The following NUP98 variants were observed in gnomAD, a reference collection of about 807,000 sequenced individuals.
The protein encoded by NUP98 is nuclear pore complex protein Nup98-Nup96.
In NUP98, 26 loss-of-function variants were observed where a neutral mutation model predicts 191.9. That is an observed-to-expected ratio of 0.14 (90% CI 0.10 to 0.19). The LOEUF (loss-of-function observed/expected upper bound fraction) is 0.19, where lower values mean the gene tolerates loss of function less well. NUP98 is among the 10% of genes least tolerant of loss of function. NUP98 has a pLI of 1.00. For missense variants in NUP98, 1,941 were observed against 2,178.8 expected (o/e 0.89, Z 2.17); for synonymous variants, 808 against 778.4 (o/e 1.04, Z -0.63).
intron 20 of NUP98, among the ~76,000 whole-genome samples, chr11:3,709,467 G>C (rs1272658114): frequency 2.0e-5 from 3 of 151,992 alleles, no homozygotes; most frequent in African/African-American, 7.3e-5. Flanking sequence ...CACATTGGGA[G>C]GCCAAGGCAG....
rs2078304718 is a variant in NUP98, at chr11:3,691,369, G to C, written c.4432C>G (p.Leu1478Val). ...TACCTGTCACTGTAGAGTTTTAGAA[G>C]GTGAAAGCAGACATCTCGAAGTGGT... ...QTPLRDVCFH[L>V]LKLYSDRHYD... is the part of the protein sequence containing the mutation. Residue 1478 changes from leucine (L) to valine (V), a missense_variant, in exon 28 of 33, where the codon CTT (leucine) becomes GTT (valine). Transcript: ENST00000324932. 6.2e-7 allele frequency: 1 copy of C among 1,614,014 alleles called. No individual in the cohort carries two copies. Among genetic ancestry groups the C allele is most frequent in the African/African-American group, 1.3e-5 (1 of 74,914 alleles).
Position 3,705,483 on chromosome 11 carries a change from T to C in NUP98, c.2926-127A>G, listed in dbSNP as rs558292272. 55 of 825,732 alleles carry C rather than the reference T, an allele frequency of 6.7e-5. No homozygotes were observed. The East Asian group carries it at 8.4e-4, about 13-fold the overall frequency. The allele number at this position is 825,732 out of a possible 1,614,324, so 51.2% of individuals were successfully genotyped here. A position where few individuals can be genotyped will look rare whatever the true frequency, so the allele number is the denominator to read the frequency against. Reference sequence around the variant, plus strand: ...AAGGCTGTGTACAGAGCTAGTATATTTGTGTGATGGATGGACCCCATTACA... The same window carrying C: ...AAGGCTGTGTACAGAGCTAGTATATCTGTGTGATGGATGGACCCCATTACA... On this transcript the variant is annotated intron_variant, in intron 21 of 32. Transcript: ENST00000324932.
At chr11:3,692,573 C>T (rs1389099377) in intron 27 of NUP98, among the ~76,000 whole-genome samples, 2 of 151,408 alleles carry the variant, frequency 1.3e-5, no homozygotes, top group Non-Finnish European at 2.9e-5. Flanking sequence ...CCAGCCTGGG[C>T]TACACAGCGA....
At chr11:3,714,910 GTGACTTTTACCTAC>G (rs1006854737) in intron 18 of NUP98, 1 of 152,148 alleles carries the variant, frequency 6.6e-6, no homozygotes, top group African/African-American at 2.4e-5. Context: ...GAACATTTGG[GTGACTTTTACCTAC>G]TGGCTGTTGT....
At position 3,693,306 on chromosome 11, in the gene NUP98, T is replaced by C. The variant is rs750386513; in HGVS notation, c.4237A>G (p.Ile1413Val). ...SQLDWKRSLA[I>V]HLWYLLPPTA... Reference sequence around the variant, plus strand: ...GGTGGAAGCAAATACCAAAGATGGATAGCCAGGGAGCGTTTCCAATCCAAC... The same window carrying C: ...GGTGGAAGCAAATACCAAAGATGGACAGCCAGGGAGCGTTTCCAATCCAAC... Residue 1413 changes from isoleucine to valine, a missense_variant, in exon 27 of 33, where the codon ATC becomes GTC. Coordinates refer to ENST00000324932, the MANE Select transcript of NUP98 (RefSeq NM_016320.5). 2.5e-6 allele frequency: 4 copies of C among 1,614,182 alleles called. No individual in the cohort carries two copies. Among genetic ancestry groups the C allele is most frequent in the South Asian group, 2.2e-5 (2 of 91,084 alleles).
In NUP98 at chr11:3,712,547, T is replaced by C; in HGVS notation, c.2742+17A>G. On this transcript the variant is annotated intron_variant, in intron 20 of 32. Transcript: ENST00000324932. The stretch of plus-strand genomic sequence containing the variant: ...TATCACGGATTCCATTCAAATTCAC[T>C]GTCCTTTTTTCTCTACCTGAGGTGG... The C allele has an allele frequency of 6.2e-7, 1 of 1,612,034 alleles. No homozygotes were observed. The highest frequency in any genetic ancestry group is 8.5e-7 in the Non-Finnish European group (1 of 1,179,030).
chr11:3,683,150 G>A (rs994944730), intron 30 of NUP98, 50 bp downstream of exon 30: 11 of 1,608,866 alleles, frequency 6.8e-6, no homozygotes, highest in Non-Finnish European at 9.3e-6. Flanking sequence ...GAGGTTCAGA[G>A]GTTGGAGGAA....
In NUP98 at chr11:3,778,892, A is replaced by C. The variant is rs1339540410; in HGVS notation, c.336T>G (p.Asn112Lys). Residue 112 changes from asparagine (N) to lysine (K), a missense_variant, in exon 4 of 33, where the codon AAT becomes AAG. By Grantham distance (94) the Asn-to-Lys change is moderately conservative. This residue lies in a region of NUP98 where 154 missense variants were observed against 182.9 expected (regional missense o/e 0.84). Transcript: ENST00000324932. ...ACTTACTGCCAAAGCCAGTTGGTTT[A>C]TTTTGTGCAAAGGCATTGTTTTGGG... Reference protein sequence around the residue: ...FSSQNNAFAQNKPTGFGNFGT... With the variant: ...FSSQNNAFAQKKPTGFGNFGT... 1.2e-6 allele frequency: 2 copies of C among 1,614,124 alleles called. No individual in the cohort carries two copies. Among genetic ancestry groups the C allele is most frequent in the South Asian group, 1.1e-5 (1 of 91,066 alleles).
chr11:3,753,195 T>C (rs2080829329), intron 11 of NUP98, 121 bp downstream of exon 11: 3 of 830,570 alleles, frequency 3.6e-6, no homozygotes, highest in Admixed American at 2.6e-5. Flanking sequence ...TAAACGCAAC[T>C]GGAAAAACGA....
intron 8 of NUP98, among the ~76,000 whole-genome samples, chr11:3,767,022 T>C (rs1388916576): frequency 6.6e-6 from 1 of 152,222 alleles, no homozygotes; most frequent in East Asian, 1.9e-4. Context: ...TGGAGTGCAG[T>C]GGCAAAATCT....
At chr11:3,742,363 T>G (rs1420833961) in intron 12 of NUP98, among the ~76,000 whole-genome samples, 3 of 152,030 alleles carry the variant, frequency 2.0e-5, no homozygotes, top group African/African-American at 7.2e-5. Flanking sequence ...CAGAAGACAG[T>G]AACAGTTACA....
intron 18 of NUP98, among the ~76,000 whole-genome samples, 159 bp from the exon 19 acceptor site, chr11:3,714,154 A>T (rs2079104680): frequency 6.6e-6 from 1 of 152,234 alleles, no homozygotes; most frequent in Non-Finnish European, 1.5e-5. Context: ...CCATAAGCTT[A>T]AGAGCAAGGA....
intron 10 of NUP98, chr11:3,760,172 G>T (rs1248313208): frequency 5.2e-6 from 1 of 191,734 alleles, no homozygotes; most frequent in Non-Finnish European, 1.0e-5. Context: ...ACAAAAATAA[G>T]AATAACCAAT....
rs372271854 is a variant in NUP98, at chr11:3,686,184, G to A, written c.4465C>T (p.Leu1489Phe). The A allele has an allele frequency of 1.2e-6, 2 of 1,614,088 alleles. No homozygotes were observed. Among genetic ancestry groups the A allele is most frequent in the Non-Finnish European group, 1.7e-6 (2 of 1,180,036 alleles). ...CTTCGAGGCTCCAGCAGCTGGTTGA[G>A]ATCATAATGTCTGCAAAGAACGTGT... ...LKLYSDRHYD[L>F]NQLLEPRSIT... The change falls in exon 29 of 33, where the codon CTC becomes TTC. Residue 1489 changes from leucine to phenylalanine, a missense_variant. Physicochemically the swap from Leu to Phe is conservative, Grantham distance 22 (BLOSUM62 0). Coordinates refer to ENST00000324932, the MANE Select transcript of NUP98 (RefSeq NM_016320.5).
intron 12 of NUP98, among the ~76,000 whole-genome samples, chr11:3,744,008 G>C (rs2080393958): frequency 6.6e-6 from 1 of 152,080 alleles, no homozygotes; most frequent in Non-Finnish European, 1.5e-5. Flanking sequence ...GCAGTGAGCT[G>C]AGATCACATC....
At position 3,775,987 on chromosome 11, in the gene NUP98, A is replaced by G; in HGVS notation, c.390T>C (p.Phe130=). ...GATTAGAGGTGGTATTTGTGGTTCC[A>G]AAGAGTCCTCCACTGCTAGTACTGG... ...FGTSTSSGGL[F]GTTNTTSNPF... is the part of the protein sequence containing the mutation. The change falls in exon 5 of 33, where the codon TTT becomes TTC. Residue 130 remains phenylalanine, a synonymous_variant. Coordinates refer to ENST00000324932, the MANE Select transcript of NUP98 (RefSeq NM_016320.5). 1 of 1,613,770 alleles carries G rather than the reference A, an allele frequency of 6.2e-7. No homozygotes were observed. The highest frequency in any genetic ancestry group is 1.1e-5 in the South Asian group (1 of 91,072).
rs1589996990 is a variant in NUP98, at chr11:3,706,620, C to G, written c.2750G>C (p.Ser917Thr). 6.2e-7 allele frequency: 1 copy of G among 1,613,674 alleles called. No homozygotes were observed. Among genetic ancestry groups the G allele is most frequent in the African/African-American group, 1.3e-5 (1 of 75,032 alleles). Reference protein sequence around the residue: ...GKPAPPPQSQSPEVEQLGRVV... With the variant: ...GKPAPPPQSQTPEVEQLGRVV... Reference sequence around the variant, plus strand: ...CCTCCCTAACTGCTCCACCTCTGGGCTCTGGCTCTGTAGACAGCAGAAAGA... The same window carrying G: ...CCTCCCTAACTGCTCCACCTCTGGGGTCTGGCTCTGTAGACAGCAGAAAGA... The change falls in exon 21 of 33, where the codon AGC becomes ACC. Residue 917 changes from serine (S) to threonine (T), a missense_variant. This residue lies in a region of NUP98 where 1,030 missense variants were observed against 1,115.8 expected (regional missense o/e 0.92). Coordinates refer to ENST00000324932, the MANE Select transcript of NUP98 (RefSeq NM_016320.5).
In NUP98 at chr11:3,760,613, T is replaced by C. The variant is rs1420223472; in HGVS notation, c.1100A>G (p.Asn367Ser). The change falls in exon 10 of 33, where the codon AAT becomes AGT. Residue 367 changes from asparagine (N) to serine (S), a missense_variant. Transcript: ENST00000324932. ...GCTTCCAAATGTAGTAAGCTTGTTA[T>C]TGCCAAACAGGGTCTAAAAAGAATA... ...FGAVGSTLFG[N>S]NKLTTFGSST... The C allele has an allele frequency of 6.2e-7, 1 of 1,612,916 alleles. No individual in the cohort carries two copies. The highest frequency in any genetic ancestry group is 2.2e-5 in the East Asian group (1 of 44,868).
chr11:3,720,967 G>GGTGTGTGAGT (rs1554891484), intron 16 of NUP98, 142 bp from the exon 17 acceptor site: 1 of 434,346 alleles, frequency 2.3e-6, no homozygotes, highest in African/African-American at 3.4e-5. Flanking sequence ...TAGGAGAAGG[G>GGTGTGTGAGT]GTGTGTGAGT....
Sources: gnomAD v4.1 joint callset for allele counts (sites outside exome capture counted in the v4.1 genomes callset) on GRCh38, gnomAD v4.1.1 for gene constraint, gnomAD v4.1.1 regional missense constraint, MANE v1.5 for transcripts, NCBI Gene and HGNC (gene_info 2026-07-23, HGNC 2026-07-21) for gene names.